Variants in PHEX observed in about 807,000 individuals in gnomAD.
PHEX encodes phosphate regulating endopeptidase X-linked.
Under a neutral mutation model 68.0 loss-of-function variants are expected in PHEX, and 16 were observed. The observed-to-expected ratio is 0.24, with a 90% CI of 0.16 to 0.36. The LOEUF (loss-of-function observed/expected upper bound fraction) is 0.36, where lower values mean the gene tolerates loss of function less well. Among genes scored for constraint, PHEX ranks in the 10% least tolerant of loss-of-function variants. PHEX has a pLI of 1.00. For synonymous variants in PHEX, 208 were observed against 205.1 expected (o/e 1.01, Z -0.12); for missense variants, 480 against 575.5 (o/e 0.83, Z 1.70).
chrX:22,213,858 C>G (rs963548453), intron 16 of PHEX, among the ~76,000 whole-genome samples: 2 of 112,098 alleles, frequency 1.8e-5, no homozygotes, highest in African/African-American at 6.5e-5. Context: ...TTTCATTTGG[C>G]CTTTGGGCTT....
intron 12 of PHEX, among the ~76,000 whole-genome samples, chrX:22,151,558 T>C (rs1932855365): frequency 9.0e-6 from 1 of 111,489 alleles, no homozygotes; most frequent in Non-Finnish European, 1.9e-5. Flanking sequence ...GCAGACTCCA[T>C]TTCTCAGCAT....
intron 6 of PHEX, 101 bp downstream of exon 6, chrX:22,090,598 A>G (rs1204050820): frequency 1.7e-5 from 10 of 571,677 alleles, no homozygotes; most frequent in Non-Finnish European, 3.0e-5. Flanking sequence ...CAGTGTGGCT[A>G]TTCAATGACC....
rs765647670 is a variant in PHEX, at chrX:22,047,161, G to A, written c.299G>A (p.Ser100Asn). 1.7e-6 allele frequency: 2 copies of A among 1,209,861 alleles called. No individual in the cohort carries two copies. Among genetic ancestry groups the A allele is most frequent in the Admixed American group, 4.3e-5 (2 of 45,994 alleles). ...SNNPIPEDMP[S>N]YGVYPWLRHN... ...AATCCAATTCCCGAAGATATGCCAAGCTATGGGGTTTATCCTTGGCTGAGA... is the reference window on the plus strand; with the variant it reads ...AATCCAATTCCCGAAGATATGCCAAACTATGGGGTTTATCCTTGGCTGAGA... The change falls in exon 3 of 22, where the codon AGC becomes AAC. Residue 100 changes from serine (S) to asparagine (N), a missense_variant. Coordinates refer to ENST00000379374, the MANE Select transcript of PHEX (RefSeq NM_000444.6).
intron 15 of PHEX, among the ~76,000 whole-genome samples, chrX:22,197,559 A>T (rs1934406265): frequency 9.0e-6 from 1 of 110,980 alleles, no homozygotes; most frequent in Admixed American, 9.7e-5. Flanking sequence ...TCTTGGAAGT[A>T]GATCCCCAGT....
intron 1 of PHEX, among the ~76,000 whole-genome samples, chrX:22,034,145 C>T (rs1926913975): frequency 8.9e-6 from 1 of 111,888 alleles, no homozygotes; most frequent in South Asian, 3.7e-4. Flanking sequence ...ATCTCCTACT[C>T]CTGCAACTGA....
intron 5 of PHEX, among the ~76,000 whole-genome samples, chrX:22,081,676 A>G (rs1402991631): frequency 2.7e-5 from 3 of 110,810 alleles, no homozygotes; most frequent in Non-Finnish European, 3.8e-5. Context: ...TTTGGCCAGC[A>G]GGGGTCGCTC....
In PHEX at chrX:22,044,810, A is replaced by G. The variant is rs1335855475; in HGVS notation, c.188-2240A>G. Among the ~76,000 whole-genome samples, 4 of 111,607 alleles carry G rather than the reference A, an allele frequency of 3.6e-5. No individual in the cohort carries two copies. The South Asian group carries it at 1.5e-3, about 41-fold the overall frequency. ...CAACTGATGCTAGTTCTGAAGCACGAAAATGTTAAGCCAATTTGAAATTTA... is the reference window on the plus strand; with the variant it reads ...CAACTGATGCTAGTTCTGAAGCACGGAAATGTTAAGCCAATTTGAAATTTA... On this transcript the variant is annotated intron_variant, in intron 2 of 21. Transcript: ENST00000379374.
At chrX:22,090,986 G>T (rs1295308547) in intron 6 of PHEX, among the ~76,000 whole-genome samples, 1 of 111,709 alleles carries the variant, frequency 9.0e-6, no homozygotes. Context: ...GGTGTTCCAG[G>T]TTAATGGAGG....
intron 12 of PHEX, among the ~76,000 whole-genome samples, chrX:22,143,270 C>T (rs924763329): frequency 8.9e-5 from 10 of 111,856 alleles, no homozygotes; most frequent in African/African-American, 2.9e-4. Flanking sequence ...TATTCCAAAG[C>T]GGCTAGAAGA....
intron 15 of PHEX, among the ~76,000 whole-genome samples, chrX:22,192,236 G>A (rs1480780203): frequency 9.0e-6 from 1 of 111,152 alleles, no homozygotes; most frequent in Non-Finnish European, 1.9e-5. Context: ...CTAATCTCAT[G>A]GTTTTAATCA....
intron 9 of PHEX, chrX:22,099,378 C>T (rs1930316047): frequency 4.9e-6 from 2 of 405,266 alleles, no homozygotes; most frequent in Non-Finnish European, 8.6e-6. Context: ...TGGTCTTTCT[C>T]CATGCTGTTC....
At chrX:22,145,861 A>G (rs1932673916) in intron 12 of PHEX, among the ~76,000 whole-genome samples, 1 of 112,683 alleles carries the variant, frequency 8.9e-6, no homozygotes, top group Admixed American at 9.4e-5. Flanking sequence ...CAGGAAAGAC[A>G]GCATAAATGG....
chrX:22,152,767 G>A (rs990468202), intron 12 of PHEX, among the ~76,000 whole-genome samples: 3 of 111,764 alleles, frequency 2.7e-5, no homozygotes, highest in African/African-American at 9.8e-5. Flanking sequence ...GGAGTCTTCA[G>A]GATGCTATAA....
At chrX:22,150,352 G>A (rs1014878531) in intron 12 of PHEX, among the ~76,000 whole-genome samples, 2 of 111,295 alleles carry the variant, frequency 1.8e-5, no homozygotes, top group Non-Finnish European at 3.8e-5. Flanking sequence ...GCTGGACAAT[G>A]GCCTATGGAC....
rs898161591 is a variant in PHEX, at chrX:22,133,616, A to C, written c.1396A>C (p.Lys466Gln). Residue 466 changes from lysine to glutamine, a missense_variant, in exon 12 of 22, where the codon AAA (lysine) becomes CAA (glutamine). Coordinates refer to ENST00000379374, the MANE Select transcript of PHEX (RefSeq NM_000444.6). The part of the protein sequence containing the change: ...WMDAGTKRKA[K>Q]EKARAVLAKV... ...GGATGCAGGAACGAAAAGGAAAGCC[A>C]AAGAAAAGGTAAGGATTCCTTTTGA... 4 of 1,187,349 alleles carry C rather than the reference A, an allele frequency of 3.4e-6. No homozygotes were observed. In the Admixed American group the frequency reaches 8.7e-5, roughly 26 times the overall value.
At chrX:22,232,835 CA>C (rs1446165789) in intron 20 of PHEX, among the ~76,000 whole-genome samples, 1 of 109,524 alleles carries the variant, frequency 9.1e-6, no homozygotes, top group Non-Finnish European at 1.9e-5. Flanking sequence ...TTGATCCCGT[CA>C]TTATGCTGCT....
intron 12 of PHEX, among the ~76,000 whole-genome samples, chrX:22,154,948 G>C (rs773437280): frequency 8.9e-6 from 1 of 112,323 alleles, no homozygotes; most frequent in Non-Finnish European, 1.9e-5. Context: ...GTCTCGCTCC[G>C]TTGCCCAGGC....
chrX:22,035,555 AT>A (rs1202253736), intron 1 of PHEX, among the ~76,000 whole-genome samples: 45 of 112,582 alleles, frequency 4.0e-4, no homozygotes, highest in African/African-American at 1.4e-3. Context: ...GTCATGAAAT[AT>A]TATTTTCCTT....
At chrX:22,077,372 G>C (rs1929194595) in intron 4 of PHEX, 104 bp from the exon 5 acceptor site, 3 of 718,462 alleles carry the variant, frequency 4.2e-6, no homozygotes, top group African/African-American at 4.2e-5. Flanking sequence ...GAAATTTTAA[G>C]TTGGAGCATT....
Sources: allele counts gnomAD v4.1 joint callset (sites outside exome capture counted in the v4.1 genomes callset), GRCh38; gene constraint gnomAD v4.1.1; transcripts MANE v1.5; gene names NCBI Gene and HGNC (gene_info 2026-07-23, HGNC 2026-07-21).